Variants in TENM2 observed in about 807,000 individuals in gnomAD.
TENM2 encodes teneurin transmembrane protein 2.
In TENM2, 52 loss-of-function variants were observed where a neutral mutation model predicts 245.2. The ratio of observed to expected loss-of-function variants is 0.21; its 90% confidence interval spans 0.17 to 0.27. TENM2 has a LOEUF of 0.27. Ranked by LOEUF, TENM2 falls within the 10% of genes least tolerant of loss-of-function variation. TENM2 has a pLI of 1.00. For synonymous variants in TENM2, 1,363 were observed against 1,438.9 expected, an observed-to-expected ratio of 0.95 and a Z score of 1.19; for missense variants, 3,046 against 3,666.8, an observed-to-expected ratio of 0.83 and a Z score of 4.37.
At chr5:167,135,020 G>T in the TENM2 span, among the ~76,000 whole-genome samples, 1 of 152,202 alleles carries the variant, frequency 6.6e-6, no homozygotes, top group African/African-American at 2.4e-5. Context: ...TTTGAAGTGT[G>T]TGCGGTGAAT....
chr5:167,253,571 G>C, the TENM2 span, among the ~76,000 whole-genome samples: 1 of 151,978 alleles, frequency 6.6e-6, no homozygotes, highest in South Asian at 2.1e-4. Flanking sequence ...GAATAGCTGT[G>C]AATTTCTATT....
intron 2 of TENM2, among the ~76,000 whole-genome samples, chr5:167,809,932 C>A (rs570110132): frequency 6.6e-6 from 1 of 152,232 alleles, no homozygotes; most frequent in Non-Finnish European, 1.5e-5. Flanking sequence ...CATGCCAGGT[C>A]CTTGCTCCAG....
the TENM2 span, among the ~76,000 whole-genome samples, chr5:167,068,926 A>T: frequency 6.6e-6 from 1 of 152,232 alleles, no homozygotes; most frequent in Non-Finnish European, 1.5e-5. Flanking sequence ...TAAAACAGTT[A>T]TATGAACAGT....
chr5:167,760,175 T>C (rs1762571183), intron 2 of TENM2, among the ~76,000 whole-genome samples: 1 of 152,182 alleles, frequency 6.6e-6, no homozygotes. Flanking sequence ...CCTCAATGGC[T>C]TTGCTCCTGG....
At chr5:166,984,680 T>G in the TENM2 span, among the ~76,000 whole-genome samples, 2 of 152,126 alleles carry the variant, frequency 1.3e-5, no homozygotes, top group Admixed American at 6.5e-5. Flanking sequence ...GGAATAAAAC[T>G]GAACCATGAT....
intron 7 of TENM2, among the ~76,000 whole-genome samples, chr5:168,081,338 G>A (rs1791977450): frequency 6.6e-6 from 1 of 152,090 alleles, no homozygotes; most frequent in Admixed American, 6.5e-5. Context: ...CTGCATGTGG[G>A]ATGGGTCTCC....
chr5:167,939,185 A>C (rs1778971904), intron 3 of TENM2, among the ~76,000 whole-genome samples: 1 of 152,122 alleles, frequency 6.6e-6, no homozygotes, highest in African/African-American at 2.4e-5. Context: ...ACGGAAGACA[A>C]ATTTTCTACG....
intron 3 of TENM2, among the ~76,000 whole-genome samples, chr5:167,907,495 G>A (rs1322392740): frequency 7.6e-6 from 1 of 132,332 alleles, no homozygotes; most frequent in Non-Finnish European, 1.6e-5. Flanking sequence ...TGGCCTTTCT[G>A]CCTTAGTAAT....
At chr5:168,039,225 C>T (rs1407049947) in intron 5 of TENM2, among the ~76,000 whole-genome samples, 4 of 152,204 alleles carry the variant, frequency 2.6e-5, no homozygotes, top group Non-Finnish European at 4.4e-5. Context: ...CTGGTGGCCG[C>T]GTGCCACGTG....
chr5:167,967,385 G>T (rs1038967695), intron 4 of TENM2, among the ~76,000 whole-genome samples: 1 of 152,136 alleles, frequency 6.6e-6, no homozygotes, highest in Non-Finnish European at 1.5e-5. Context: ...AAGTGTTGTG[G>T]CACGTGTGCA....
chr5:168,202,064 T>C (rs1038324777), intron 17 of TENM2, among the ~76,000 whole-genome samples: 1 of 152,186 alleles, frequency 6.6e-6, no homozygotes, highest in East Asian at 1.9e-4. Flanking sequence ...AGTCAAGTTG[T>C]GTATTTTTTA....
chr5:168,106,845 G>A (rs1488834586), intron 9 of TENM2, among the ~76,000 whole-genome samples: 1 of 152,210 alleles, frequency 6.6e-6, no homozygotes, highest in Non-Finnish European at 1.5e-5. Flanking sequence ...CAGATCACTT[G>A]AGCCCAGCAG....
intron 1 of TENM2, among the ~76,000 whole-genome samples, chr5:167,307,750 G>GT (rs1755762786): frequency 6.6e-6 from 1 of 152,154 alleles, no homozygotes; most frequent in Non-Finnish European, 1.5e-5. Flanking sequence ...AGAAAAATCT[G>GT]TTTTTATTTT....
rs71853736 is a variant in TENM2, at chr5:167,900,111, T to TAAAAAAAAAAAAAAA, written c.712+23924_712+23938dup. Among the ~76,000 whole-genome samples the TAAAAAAAAAAAAAAA allele has an allele frequency of 2.4e-3, 104 of 43,458 alleles. 12 individuals carry two copies. Among genetic ancestry groups the TAAAAAAAAAAAAAAA allele is most frequent in the African/African-American group, 0.012 (99 of 8,308 alleles). The allele number at this position is 43,458 out of a possible 152,430, so 28.5% of individuals were successfully genotyped here. On this transcript the variant is annotated intron_variant, in intron 3 of 28. Transcript: ENST00000518659. ...CTTTCTGTCTGTGCCCTCAACCCAC[T>TAAAAAAAAAAAAAAA]AAAAAAAAAAAAAAAAAAAAAAGGG...
intron 2 of TENM2, among the ~76,000 whole-genome samples, chr5:167,545,662 A>G (rs556912445): frequency 6.6e-6 from 1 of 152,340 alleles, no homozygotes; most frequent in East Asian, 1.9e-4. Context: ...GCTTTCACAT[A>G]AGATACATGG....
At chr5:167,744,001 C>T (rs994858985) in intron 2 of TENM2, among the ~76,000 whole-genome samples, 2 of 152,136 alleles carry the variant, frequency 1.3e-5, no homozygotes, top group Non-Finnish European at 2.9e-5. Context: ...ATGTCTATAG[C>T]AGTTAAGTGG....
chr5:168,099,818 C>T (rs768605647), intron 9 of TENM2, among the ~76,000 whole-genome samples: 4 of 152,164 alleles, frequency 2.6e-5, no homozygotes, highest in Non-Finnish European at 5.9e-5. Context: ...ATGGCACGTG[C>T]GTGAGACTTA....
At chr5:167,021,650 C>T in the TENM2 span, among the ~76,000 whole-genome samples, 142 of 152,318 alleles carry the variant, frequency 9.3e-4, no homozygotes, top group Admixed American at 1.2e-3. Context: ...CTAAACCTGA[C>T]TCAAACATCT....
At chr5:167,848,168 C>T (rs1770225912) in intron 2 of TENM2, among the ~76,000 whole-genome samples, 1 of 152,110 alleles carries the variant, frequency 6.6e-6, no homozygotes, top group South Asian at 2.1e-4. Flanking sequence ...CAATGAATGG[C>T]TGAGTAGGTC....
Sources: gnomAD v4.1 joint callset for allele counts (sites outside exome capture counted in the v4.1 genomes callset) on GRCh38, gnomAD v4.1.1 for gene constraint, MANE v1.5 for transcripts, NCBI Gene and HGNC (gene_info 2026-07-23, HGNC 2026-07-21) for gene names.